Variants in XPC observed in about 807,000 individuals in gnomAD.
XPC encodes the protein XPC complex subunit, DNA damage recognition and repair factor.
In XPC, 76 loss-of-function variants were observed where a neutral mutation model predicts 95.8. That is an observed-to-expected ratio of 0.79 (90% CI 0.66 to 0.96). The LOEUF (loss-of-function observed/expected upper bound fraction) is 0.96, where lower values mean the gene tolerates loss of function less well. XPC is among the 40% of genes least tolerant of loss of function. The pLI is 0.00. For missense variants in XPC, 1,146 were observed against 1,179.8 expected (o/e 0.97, Z 0.42); for synonymous variants, 442 against 442.1 (o/e 1.00, Z 0.00).
chr3:14,167,299 AC>A (rs1696424107), intron 4 of XPC, 46 bp from the exon 5 acceptor site: 2 of 1,501,650 alleles, frequency 1.3e-6, no homozygotes, highest in Non-Finnish European at 1.8e-6. Flanking sequence ...GGGAACTGAA[AC>A]CAGACTCCAC....
chr3:14,175,371 C>T (rs1044560509), intron 1 of XPC, among the ~76,000 whole-genome samples: 2 of 152,168 alleles, frequency 1.3e-5, no homozygotes, highest in African/African-American at 2.4e-5. Context: ...GAAGCATTTT[C>T]TGCTATGTAC....
chr3:14,177,279 T>C (rs1006529405), intron 1 of XPC, among the ~76,000 whole-genome samples: 1 of 152,174 alleles, frequency 6.6e-6, no homozygotes, highest in African/African-American at 2.4e-5. Context: ...TAGAGATGAT[T>C]TAAAGTATGT....
At position 14,158,162 on chromosome 3, in the gene XPC, C is replaced by G. The variant is rs762838998; in HGVS notation, c.1721G>C (p.Ser574Thr). The G allele has an allele frequency of 5.6e-6, 9 of 1,613,928 alleles. No homozygotes were observed. The highest frequency in any genetic ancestry group is 7.6e-6 in the Non-Finnish European group (9 of 1,179,892). The change falls in exon 9 of 16, where the codon AGT becomes ACT. Residue 574 changes from serine (S) to threonine (T), a missense_variant. By Grantham distance (58) the Ser-to-Thr change is moderately conservative (BLOSUM62 1). Transcript: ENST00000285021. This position sits in a 1 kb window ranked among gnomAD's most constrained non-coding sequence, Gnocchi z 5.2. ...TGTGACATCTCGGACCCAGCCGTCA[C>G]TGTCAATGCCCACCACATAGGTCAT... The part of the protein sequence containing the change: ...KPMTYVVGID[S>T]DGWVRDVTQR...
intron 4 of XPC, 140 bp downstream of exon 4, chr3:14,168,117 A>C: frequency 8.4e-7 from 1 of 1,195,308 alleles, no homozygotes. Flanking sequence ...CTCTAAAGGT[A>C]AATCAGGTTC....
intron 1 of XPC, 30 bp downstream of exon 1, chr3:14,178,436 C>A (rs1433609875): frequency 1.3e-6 from 2 of 1,577,750 alleles, no homozygotes; most frequent in Non-Finnish European, 1.7e-6. Flanking sequence ...GGCGGCGTCT[C>A]CCGCGAAGCC....
chr3:14,172,926 AAC>A lies in XPC; in HGVS notation c.238_239del (p.Val80Ter). Reference sequence around the variant, plus strand: ...TTATAACCTTGAGGTTTTCAGATTTAACAGTCACCTTGGCCACTTTCTTTTTT... The same window carrying A: ...TTATAACCTTGAGGTTTTCAGATTTAAGTCACCTTGGCCACTTTCTTTTTT... The part of the protein sequence containing the change: ...PAKKKVAKVT[V>X]KSENLKVIKD... On this transcript the variant is annotated frameshift_variant, in exon 2 of 16. Coordinates refer to ENST00000285021, the MANE Select transcript of XPC (RefSeq NM_004628.5). LOFTEE classifies it high-confidence loss of function. The A allele has an allele frequency of 6.2e-7, 1 of 1,613,976 alleles. No individual in the cohort carries two copies. Among genetic ancestry groups the A allele is most frequent in the Non-Finnish European group, 8.5e-7 (1 of 1,179,866 alleles).
rs373492738 is a variant in XPC, at chr3:14,172,825, A to G, written c.299+42T>C. On this transcript the variant is annotated intron_variant, in intron 2 of 15. Transcript: ENST00000285021. ...TTTCATTATTCACAATTCTCTGATG[A>G]GAAAAATCAAGACCCGAGACAAAGC... 5.4e-5 allele frequency: 86 copies of G among 1,585,022 alleles called. No homozygotes were observed. In the African/African-American group the frequency reaches 9.2e-4, roughly 17 times the overall value.
Position 14,170,557 on chromosome 3 carries a change from A to G in XPC, c.300-7T>C, listed in dbSNP as rs1387196455. On this transcript the variant is annotated splice_region_variant and splice_polypyrimidine_tract_variant and intron_variant, in intron 2 of 15. Coordinates refer to ENST00000285021, the MANE Select transcript of XPC (RefSeq NM_004628.5). ...GAGGTCACTTGGAAAGTCCCTGTGTAAAGACCACAGGAAGGAAGATGAAGA... is the reference window on the plus strand; with the variant it reads ...GAGGTCACTTGGAAAGTCCCTGTGTGAAGACCACAGGAAGGAAGATGAAGA... 3 of 1,598,740 alleles carry G rather than the reference A, an allele frequency of 1.9e-6. No individual in the cohort carries two copies. In the Admixed American group the frequency reaches 5.1e-5, roughly 27 times the overall value.
In XPC at chr3:14,145,757, G is replaced by A. The variant is rs749921100; in HGVS notation, c.*184C>T. On this transcript the variant is annotated 3_prime_UTR_variant, in exon 16 of 16. Coordinates refer to ENST00000285021, the MANE Select transcript of XPC (RefSeq NM_004628.5). The stretch of plus-strand genomic sequence containing the variant: ...AATCTGACAAGGGCTGGAGCCAGAC[G>A]GGACCTGCAGCACCTCCTCAGCTTG... The A allele has an allele frequency of 1.9e-5, 14 of 754,752 alleles. No individual in the cohort carries two copies. Among genetic ancestry groups the A allele is most frequent in the Admixed American group, 6.0e-5 (3 of 50,048 alleles). The allele number at this position is 754,752 out of a possible 1,614,324, so 46.8% of individuals were successfully genotyped here.
chr3:14,148,534 T>C (rs1429696692), intron 13 of XPC, 28 bp downstream of exon 13: 2 of 1,612,062 alleles, frequency 1.2e-6, no homozygotes, highest in East Asian at 2.2e-5. Context: ...TCCCTGTGTT[T>C]AGCCTCCATC....
Position 14,168,238 on chromosome 3 carries a change from A to C in XPC, c.536+19T>G. On this transcript the variant is annotated intron_variant, in intron 4 of 15. Coordinates refer to ENST00000285021, the MANE Select transcript of XPC (RefSeq NM_004628.5). ...CTACTGCATGTGACAGGAGCCTAGA[A>C]GCAAGGGCCTAAGCTTACCTTCTTT... 6.3e-7 allele frequency: 1 copy of C among 1,595,690 alleles called. No homozygotes were observed. The highest frequency in any genetic ancestry group is 8.5e-7 in the Non-Finnish European group (1 of 1,173,642).
Position 14,148,730 on chromosome 3 carries a change from A to G in XPC, c.2252T>C (p.Val751Ala). The G allele has an allele frequency of 6.2e-7, 1 of 1,613,960 alleles. No individual in the cohort carries two copies. The highest frequency in any genetic ancestry group is 8.5e-7 in the Non-Finnish European group (1 of 1,179,846). ...YQPPVAVDGK[V>A]PRNEFGNVYL... ...CACATTCCCAAACTCGTTCCGGGGC[A>G]CCTGTGTCGGGTGAGCAAGTCAGCA... The change falls in exon 13 of 16, where the codon GTG (valine) becomes GCG (alanine). Residue 751 changes from valine to alanine, a missense_variant and splice_region_variant. By Grantham distance (64) the Val-to-Ala change is moderately conservative (BLOSUM62 0). Coordinates refer to ENST00000285021, the MANE Select transcript of XPC (RefSeq NM_004628.5).
Position 14,159,771 on chromosome 3 carries a change from C to T in XPC, c.960G>A (p.Gln320=), listed in dbSNP as rs1696091458. 3 of 1,563,760 alleles carry T rather than the reference C, an allele frequency of 1.9e-6. No individual in the cohort carries two copies. Among genetic ancestry groups the T allele is most frequent in the Non-Finnish European group, 2.6e-6 (3 of 1,153,820 alleles). Residue 320 remains glutamine (Q), a synonymous_variant, in exon 8 of 16, where the codon CAG becomes CAA. Coordinates refer to ENST00000285021, the MANE Select transcript of XPC (RefSeq NM_004628.5). ...QLLTRLVLSL[Q]PIPLKSATAK... ...CTGTTGCTGACTTCAGAGGAATTGG[C>T]TGTAGAGACAATACCAGCCGGGTCA...
intron 11 of XPC, 185 bp downstream of exon 11, chr3:14,152,150 T>C (rs1345981890): frequency 9.1e-6 from 5 of 549,830 alleles, no homozygotes; most frequent in Non-Finnish European, 1.6e-5. Context: ...AAATGTCTTA[T>C]TAATAAGACA....
chr3:14,159,160 C>T (rs1429781336), intron 8 of XPC, among the ~76,000 whole-genome samples: 2 of 152,190 alleles, frequency 1.3e-5, no homozygotes, highest in Non-Finnish European at 2.9e-5. Context: ...GACAGCCAAA[C>T]ATGGGTCTGA....
At chr3:14,173,098 A>C in intron 1 of XPC, 36 bp from the exon 2 acceptor site, 1 of 1,493,018 alleles carries the variant, frequency 6.7e-7, no homozygotes, top group Non-Finnish European at 8.9e-7. Flanking sequence ...TGAGGGGTGG[A>C]AGGAAAGGTG....
rs1237901858 is a variant in XPC, at chr3:14,145,690, G to C, written c.*251C>G. ...GTGTTCTGTAGCTCAAAGGGTGAGT[G>C]GGCTTTGGTAGCAAAAAGCTTTGAA... is the stretch of plus-strand genomic sequence containing the variant. On this transcript the variant is annotated 3_prime_UTR_variant, in exon 16 of 16. Coordinates refer to ENST00000285021, the MANE Select transcript of XPC (RefSeq NM_004628.5). 1 of 699,880 alleles carries C rather than the reference G, an allele frequency of 1.4e-6. No homozygotes were observed. The highest frequency in any genetic ancestry group is 1.7e-5 in the African/African-American group (1 of 57,310). 43.4% of individuals were successfully genotyped at this position (699,880 alleles called of 1,614,324 possible).
intron 10 of XPC, among the ~76,000 whole-genome samples, chr3:14,155,986 A>C (rs1022493189): frequency 1.3e-5 from 2 of 151,876 alleles, no homozygotes; most frequent in Admixed American, 1.3e-4. Context: ...TGAAAAATCC[A>C]CTCACTTTTA....
chr3:14,178,346 G>T (rs994245668), intron 1 of XPC, 120 bp downstream of exon 1: 4 of 1,191,070 alleles, frequency 3.4e-6, no homozygotes, highest in East Asian at 5.8e-5. Flanking sequence ...CTGCCCCCAC[G>T]GCGCGGAACG....
Sources: allele counts gnomAD v4.1 joint callset (sites outside exome capture counted in the v4.1 genomes callset), GRCh38; gene constraint gnomAD v4.1.1; non-coding constraint Gnocchi (gnomAD v3.1); transcripts MANE v1.5; gene names NCBI Gene and HGNC (gene_info 2026-07-23, HGNC 2026-07-21).